The following FRMPD2 variants were observed in gnomAD, a reference collection of about 807,000 sequenced individuals.
FRMPD2 encodes FERM and PDZ domain containing 2, also known as FERM and PDZ domain-containing protein 2.
FRMPD2 carries 96 observed loss-of-function variants against 140.1 expected under a neutral mutation model. The observed-to-expected ratio is 0.69, with a 90% confidence interval of 0.58 to 0.81. The LOEUF (loss-of-function observed/expected upper bound fraction) is 0.81. FRMPD2 is among the 40% of genes least tolerant of loss of function. FRMPD2 has a pLI of 0.00. For missense variants in FRMPD2, 1,240 were observed against 1,447.4 expected (o/e 0.86, Z 2.32); for synonymous variants, 449 against 547.6 (o/e 0.82, Z 2.52).
At chr10:48,181,696 A>G (rs987100924) in intron 20 of FRMPD2, among the ~76,000 whole-genome samples, 1 of 151,988 alleles carries the variant, frequency 6.6e-6, no homozygotes, top group Non-Finnish European at 1.5e-5. Flanking sequence ...GGTGCTTAAC[A>G]TAACTGAACC....
At chr10:48,255,324 T>G (rs145530903) in intron 1 of FRMPD2, among the ~76,000 whole-genome samples, 1 of 152,308 alleles carries the variant, frequency 6.6e-6, no homozygotes, top group East Asian at 1.9e-4. Flanking sequence ...TTATTGGCCT[T>G]AGCCTGTAGC....
rs1343070673 is a variant in FRMPD2, at chr10:48,161,659, T to C, written c.3881+1669A>G. Among the ~76,000 whole-genome samples the C allele has an allele frequency of 6.6e-5, 10 of 151,388 alleles. 1 individual carries two copies. Among genetic ancestry groups the C allele is most frequent in the African/African-American group, 2.4e-4 (10 of 40,934 alleles). ...CTTCTGATCAGTAACTAGATGATGA[T>C]AAAATGGGTCATTCAAGAGGTAGCA... On this transcript the variant is annotated intron_variant, in intron 28 of 28. Coordinates refer to ENST00000374201, the MANE Select transcript of FRMPD2 (RefSeq NM_001018071.4).
chr10:48,223,062 C>T (rs1839643305), intron 11 of FRMPD2, 61 bp downstream of exon 11: 3 of 1,485,150 alleles, frequency 2.0e-6, no homozygotes, highest in Admixed American at 3.8e-5. Context: ...CATTACCTCT[C>T]CGTCAGCCTG....
intron 24 of FRMPD2, among the ~76,000 whole-genome samples, 193 bp downstream of exon 24, chr10:48,174,677 T>A (rs1838358790): frequency 6.6e-6 from 1 of 151,110 alleles, no homozygotes; most frequent in Non-Finnish European, 1.5e-5. Flanking sequence ...GAAACATCTA[T>A]CTGCTATCTC....
At chr10:48,205,053 T>C (rs1157022199) in intron 14 of FRMPD2, among the ~76,000 whole-genome samples, 1 of 152,224 alleles carries the variant, frequency 6.6e-6, no homozygotes, top group East Asian at 1.9e-4. Context: ...TTGAAACCAG[T>C]TTCCTGAGTT....
intron 18 of FRMPD2, 105 bp downstream of exon 18, chr10:48,185,448 A>G (rs1838659112): frequency 5.2e-6 from 4 of 765,620 alleles, no homozygotes; most frequent in Non-Finnish European, 7.1e-6. Context: ...CTGGGAGAGG[A>G]GGGATAGGAA....
At chr10:48,219,053 T>A (rs1017176573) in intron 12 of FRMPD2, among the ~76,000 whole-genome samples, 4 of 152,058 alleles carry the variant, frequency 2.6e-5, no homozygotes, top group Non-Finnish European at 4.4e-5. Flanking sequence ...CCAGGAACTC[T>A]AGGGGGTTGG....
At chr10:48,215,169 T>C (rs1275350599) in intron 12 of FRMPD2, among the ~76,000 whole-genome samples, 1 of 152,242 alleles carries the variant, frequency 6.6e-6, no homozygotes, top group Non-Finnish European at 1.5e-5. Flanking sequence ...AATTATTTTT[T>C]TTCAGCACCA....
chr10:48,215,942 C>G (rs898653211), intron 12 of FRMPD2, among the ~76,000 whole-genome samples: 1 of 152,204 alleles, frequency 6.6e-6, no homozygotes, highest in Non-Finnish European at 1.5e-5. Flanking sequence ...AATCCATAGA[C>G]TGAGTAAAGC....
At position 48,260,766 on chromosome 10, in the gene FRMPD2, C is replaced by T. The variant is rs148127203; in HGVS notation, c.26-9075G>A. ...AATTACAAGTCATGTATAAAAACAA[C>T]AAAAAACTCAGTTTAAAGAGATAAA... On this transcript the variant is annotated intron_variant, in intron 1 of 28. Transcript: ENST00000374201. Among the ~76,000 whole-genome samples, 179 of 152,166 alleles carry T rather than the reference C, an allele frequency of 1.2e-3. 2 individuals are homozygous for T. In the East Asian group the frequency reaches 0.031, roughly 26 times the overall value.
chr10:48,196,011 C>G (rs1168893322), intron 15 of FRMPD2, among the ~76,000 whole-genome samples: 1 of 152,090 alleles, frequency 6.6e-6, no homozygotes, highest in Non-Finnish European at 1.5e-5. Context: ...ATCAGGAAAG[C>G]CTTCAAGGAT....
chr10:48,246,371 A>C (rs923917924), intron 3 of FRMPD2, among the ~76,000 whole-genome samples: 1 of 152,216 alleles, frequency 6.6e-6, no homozygotes, highest in African/African-American at 2.4e-5. Context: ...TCTTAGGGCA[A>C]GGCCTTGGCC....
chr10:48,272,112 C>T (rs1840779622), intron 1 of FRMPD2, among the ~76,000 whole-genome samples: 1 of 152,186 alleles, frequency 6.6e-6, no homozygotes, highest in Non-Finnish European at 1.5e-5. Flanking sequence ...AATTCATAGT[C>T]ATCTATTCAT....
intron 17 of FRMPD2, among the ~76,000 whole-genome samples, chr10:48,185,967 G>A (rs150101045): frequency 6.5e-4 from 99 of 152,288 alleles, no homozygotes; most frequent in African/African-American, 1.9e-3. Context: ...ATTGGTTTTG[G>A]GACAAGACAG....
chr10:48,240,508 A>T lies in FRMPD2; in HGVS notation c.568-16T>A, dbSNP rs773292325. On this transcript the variant is annotated splice_polypyrimidine_tract_variant and intron_variant, in intron 5 of 28. Transcript: ENST00000374201. ...TTTTCTCCACCTGGGGGTCAAGTGC[A>T]TCACACATCCACATCCCAAGATAAG... is the stretch of plus-strand genomic sequence containing the variant. 1.2e-5 allele frequency: 20 copies of T among 1,613,318 alleles called. No individual in the cohort carries two copies. Among genetic ancestry groups the T allele is most frequent in the Non-Finnish European group, 1.6e-5 (19 of 1,179,994 alleles).
intron 10 of FRMPD2, among the ~76,000 whole-genome samples, chr10:48,228,184 C>T (rs925887329): frequency 2.6e-5 from 4 of 152,030 alleles, no homozygotes; most frequent in Non-Finnish European, 5.9e-5. Context: ...ATAATGACTA[C>T]ATTTGTTTCA....
intron 3 of FRMPD2, 61 bp downstream of exon 3, chr10:48,248,960 C>T: frequency 6.8e-7 from 1 of 1,467,562 alleles, no homozygotes. Flanking sequence ...GAGGCTGCCG[C>T]TGGGACAGGC....
At chr10:48,258,050 T>C (rs141536515) in intron 1 of FRMPD2, among the ~76,000 whole-genome samples, 75 of 152,328 alleles carry the variant, frequency 4.9e-4, no homozygotes, top group African/African-American at 1.8e-3. Context: ...CCAGGAAGAA[T>C]GTGGGACTCC....
chr10:48,205,214 G>C (rs926038762), intron 14 of FRMPD2, among the ~76,000 whole-genome samples: 1 of 152,206 alleles, frequency 6.6e-6, no homozygotes, highest in Non-Finnish European at 1.5e-5. Flanking sequence ...AGTTATTCAT[G>C]CCAAGGAAGA....
Sources: allele counts gnomAD v4.1 joint callset (sites outside exome capture counted in the v4.1 genomes callset), GRCh38; gene constraint gnomAD v4.1.1; transcripts MANE v1.5; gene names NCBI Gene and HGNC (gene_info 2026-07-23, HGNC 2026-07-21).